The following AMBRA1 variants were observed in gnomAD, a reference collection of about 807,000 sequenced individuals.
The protein encoded by AMBRA1 is activating molecule in BECN1-regulated autophagy protein 1.
Under a neutral mutation model 125.4 loss-of-function variants are expected in AMBRA1, and 47 were observed. The observed-to-expected ratio is 0.37, with a 90% CI of 0.30 to 0.48. AMBRA1 has a LOEUF of 0.48. Ranked by LOEUF, AMBRA1 falls within the 20% of genes least tolerant of loss-of-function variation. AMBRA1 has a pLI of 0.99. For missense variants in AMBRA1, 1,331 were observed against 1,693.4 expected (o/e 0.79, Z 3.76); for synonymous variants, 626 against 655.5 (o/e 0.95, Z 0.69).
chr11:46,538,824 A>G (rs1952607109), intron 7 of AMBRA1, among the ~76,000 whole-genome samples: 2 of 152,154 alleles, frequency 1.3e-5, no homozygotes, highest in Admixed American at 1.3e-4. Flanking sequence ...TAAATAACCT[A>G]CTTTATTAAG....
At chr11:46,483,214 G>A (rs1042492309) in intron 11 of AMBRA1, among the ~76,000 whole-genome samples, 1 of 152,048 alleles carries the variant, frequency 6.6e-6, no homozygotes, top group African/African-American at 2.4e-5. Context: ...TTCACAGGGT[G>A]AGTATGTGGT....
intron 1 of AMBRA1, among the ~76,000 whole-genome samples, chr11:46,560,888 C>G (rs2043311124): frequency 6.6e-6 from 1 of 152,166 alleles, no homozygotes; most frequent in African/African-American, 2.4e-5. Flanking sequence ...AACCAGCTGC[C>G]TCAAACAGAC....
chr11:46,568,491 G>A (rs2043622927), intron 1 of AMBRA1, among the ~76,000 whole-genome samples: 1 of 151,286 alleles, frequency 6.6e-6, no homozygotes, highest in Non-Finnish European at 1.5e-5. Context: ...AAAAAAAAGT[G>A]GCCAGGTGCA....
At chr11:46,525,565 A>G (rs1240557835) in intron 7 of AMBRA1, among the ~76,000 whole-genome samples, 1 of 152,208 alleles carries the variant, frequency 6.6e-6, no homozygotes, top group Non-Finnish European at 1.5e-5. Flanking sequence ...AGCCTGACCA[A>G]CACGGTGAAA....
At chr11:46,477,077 C>T (rs1228040881) in intron 11 of AMBRA1, among the ~76,000 whole-genome samples, 1 of 149,632 alleles carries the variant, frequency 6.7e-6, no homozygotes, top group Non-Finnish European at 1.5e-5. Context: ...CGCCACTGCA[C>T]TCCAGCCTGG....
At chr11:46,426,467 A>G (rs1029997422) in intron 14 of AMBRA1, among the ~76,000 whole-genome samples, 1 of 152,226 alleles carries the variant, frequency 6.6e-6, no homozygotes, top group Admixed American at 6.5e-5. Context: ...AGTGAAGAGA[A>G]TAAAATGCAG....
rs760110980 is a variant in AMBRA1, at chr11:46,397,484, G to C, written c.3863C>G (p.Ala1288Gly). Residue 1288 changes from alanine to glycine, a missense_variant, in exon 18 of 18, where the codon GCT (alanine) becomes GGT (glycine). Ala to Gly is a moderately conservative substitution (Grantham distance 60, BLOSUM62 0). Transcript: ENST00000683756. Reference protein sequence around the residue: ...LLDGGSSRGDAAGPRGEPRNR With the variant: ...LLDGGSSRGDGAGPRGEPRNR ...CCGTGGTTCTCCCCTAGGGCCTGCA[G>C]CGTCCCCCCTGCTGCTGCCACCATC... 1 of 1,521,360 alleles carries C rather than the reference G, an allele frequency of 6.6e-7. No individual in the cohort carries two copies. Among genetic ancestry groups the C allele is most frequent in the East Asian group, 2.3e-5 (1 of 43,934 alleles). 94.2% of individuals were successfully genotyped at this position (1,521,360 alleles called of 1,614,324 possible). A position where few individuals can be genotyped will look rare whatever the true frequency, so the allele number is the denominator to read the frequency against.
chr11:46,565,301 T>G (rs912980530), intron 1 of AMBRA1, among the ~76,000 whole-genome samples: 1 of 152,058 alleles, frequency 6.6e-6, no homozygotes, highest in Non-Finnish European at 1.5e-5. Context: ...ATTTGTCATT[T>G]TACTTCTGTT....
At chr11:46,551,997 C>T (rs184583777) in intron 1 of AMBRA1, among the ~76,000 whole-genome samples, 5 of 150,866 alleles carry the variant, frequency 3.3e-5, no homozygotes, top group East Asian at 2.0e-4. Context: ...CACTGCACTC[C>T]GGCCTGGGTG....
chr11:46,538,445 C>T (rs1446181539), intron 7 of AMBRA1, among the ~76,000 whole-genome samples: 1 of 151,812 alleles, frequency 6.6e-6, no homozygotes, highest in Non-Finnish European at 1.5e-5. Flanking sequence ...TTTTTTGGCA[C>T]CAGAAAAGAA....
At chr11:46,410,663 A>G (rs573243913) in intron 15 of AMBRA1, among the ~76,000 whole-genome samples, 5 of 152,368 alleles carry the variant, frequency 3.3e-5, no homozygotes, top group Admixed American at 2.6e-4. Context: ...AAAAATAGCA[A>G]CAACAGATAC....
intron 1 of AMBRA1, among the ~76,000 whole-genome samples, chr11:46,564,200 G>A (rs1399486345): frequency 6.8e-6 from 1 of 146,466 alleles, no homozygotes. Context: ...TAAGTACATG[G>A]CAGAAAAATC....
At chr11:46,508,066 C>T (rs1386911682) in intron 9 of AMBRA1, 125 bp downstream of exon 9, 4 of 1,021,458 alleles carry the variant, frequency 3.9e-6, no homozygotes, top group African/African-American at 3.2e-5. Flanking sequence ...CATCCTGCTA[C>T]TCATAAATAA....
intron 14 of AMBRA1, among the ~76,000 whole-genome samples, chr11:46,422,094 AGC>A (rs1946874851): frequency 6.6e-6 from 1 of 152,160 alleles, no homozygotes; most frequent in Admixed American, 6.5e-5. Context: ...CATGCCGTGC[AGC>A]TACACCACCA....
chr11:46,487,347 CA>C (rs1380747002), intron 11 of AMBRA1, among the ~76,000 whole-genome samples: 2 of 151,532 alleles, frequency 1.3e-5, no homozygotes, highest in African/African-American at 4.9e-5. Flanking sequence ...TGTTGTTAAC[CA>C]AAAATAAAGT....
chr11:46,564,164 AC>A (rs758746512), intron 1 of AMBRA1, among the ~76,000 whole-genome samples: 17 of 150,982 alleles, frequency 1.1e-4, no homozygotes, highest in African/African-American at 2.4e-4. Context: ...AAAAAAAAAA[AC>A]GTAAGAGCAA....
chr11:46,482,317 G>A (rs1303806107), intron 11 of AMBRA1, among the ~76,000 whole-genome samples: 1 of 152,182 alleles, frequency 6.6e-6, no homozygotes, highest in Non-Finnish European at 1.5e-5. Flanking sequence ...TTGTCTGGGT[G>A]AAACTTCACT....
intron 1 of AMBRA1, among the ~76,000 whole-genome samples, chr11:46,566,343 A>G (rs1011867348): frequency 1.3e-5 from 2 of 151,928 alleles, no homozygotes; most frequent in African/African-American, 4.8e-5. Context: ...GCTTGAACCC[A>G]GGAGGCAGAG....
intron 14 of AMBRA1, among the ~76,000 whole-genome samples, chr11:46,420,879 C>T (rs1436216615): frequency 1.3e-5 from 2 of 152,198 alleles, no homozygotes; most frequent in Admixed American, 6.5e-5. Context: ...AGTAGCCTTA[C>T]GAGGAGAATA....
Sources: allele counts gnomAD v4.1 joint callset (sites outside exome capture counted in the v4.1 genomes callset), GRCh38; gene constraint gnomAD v4.1.1; transcripts MANE v1.5; gene names NCBI Gene and HGNC (gene_info 2026-07-23, HGNC 2026-07-21).